ARID4A: variants seen among roughly 807,000 people sequenced by gnomAD.
ARID4A encodes the protein AT-rich interactive domain-containing protein 4A.
ARID4A carries 39 observed loss-of-function variants against 148.6 expected under a neutral mutation model. The ratio of observed to expected loss-of-function variants is 0.26; its 90% CI spans 0.20 to 0.34. The LOEUF (loss-of-function observed/expected upper bound fraction) is 0.34, where lower values mean the gene tolerates loss of function less well. ARID4A is among the 10% of genes least tolerant of loss of function. The probability of loss-of-function intolerance (pLI) is 1.00; values close to 1 mark genes in which losing one functional copy is unlikely to be tolerated. For synonymous variants in ARID4A, 475 were observed against 481.2 expected (o/e 0.99, Z 0.17); for missense variants, 1,265 against 1,449.1 (o/e 0.87, Z 2.06).
chr14:58,314,444 T>C (rs144702150), intron 5 of ARID4A, among the ~76,000 whole-genome samples: 161 of 152,270 alleles, frequency 1.1e-3, no homozygotes, highest in Middle Eastern at 3.4e-3. Flanking sequence ...CATAGAAATA[T>C]AGAATCAGGG....
intron 5 of ARID4A, among the ~76,000 whole-genome samples, chr14:58,308,489 T>TA (rs968041019): frequency 4.6e-5 from 7 of 152,258 alleles, no homozygotes; most frequent in African/African-American, 1.4e-4. Context: ...TTTTTGCACT[T>TA]ACGTGCATGA....
At chr14:58,305,266 A>G (rs189104004) in intron 4 of ARID4A, among the ~76,000 whole-genome samples, 27 of 152,232 alleles carry the variant, frequency 1.8e-4, no homozygotes, top group African/African-American at 6.0e-4. Flanking sequence ...TCTGTTTTGA[A>G]TTCTTGAACT....
At chr14:58,353,581 A>T in intron 16 of ARID4A, 77 bp from the exon 17 acceptor site, 1 of 1,268,698 alleles carries the variant, frequency 7.9e-7, no homozygotes, top group Non-Finnish European at 1.1e-6. Flanking sequence ...TGAATAATCT[A>T]CCTGTTGGAT....
In ARID4A at chr14:58,364,342, A is replaced by G. The variant is rs1317050929; in HGVS notation, c.2253A>G (p.Gln751=). The G allele has an allele frequency of 3.2e-6, 5 of 1,586,950 alleles. No individual in the cohort carries two copies. Among genetic ancestry groups the G allele is most frequent in the Non-Finnish European group, 4.3e-6 (5 of 1,173,138 alleles). Residue 751 remains glutamine (Q), a synonymous_variant, in exon 20 of 24, where the codon CAA becomes CAG. Coordinates refer to ENST00000355431, the MANE Select transcript of ARID4A (RefSeq NM_002892.4). ...TATTAAAAGAAAATGATAGGACTCA[A>G]ATGCAGCCTTTAGAAACCCTGAAGT... ...AHILKENDRT[Q]MQPLETLKLE... is the part of the protein sequence containing the mutation.
intron 11 of ARID4A, among the ~76,000 whole-genome samples, chr14:58,340,123 A>G (rs949083955): frequency 6.6e-5 from 10 of 152,218 alleles, no homozygotes; most frequent in African/African-American, 2.4e-4. Flanking sequence ...TGCCATTTCC[A>G]AATGAATAAT....
chr14:58,343,693 A>G (rs572595438), intron 11 of ARID4A, among the ~76,000 whole-genome samples: 64 of 152,130 alleles, frequency 4.2e-4, no homozygotes, highest in Non-Finnish European at 7.9e-4. Flanking sequence ...AGCCAGGTGT[A>G]GTGGCACACT....
chr14:58,357,754 C>A (rs1302836467), intron 17 of ARID4A, among the ~76,000 whole-genome samples: 2 of 151,716 alleles, frequency 1.3e-5, no homozygotes, highest in African/African-American at 4.8e-5. Context: ...CCTGTTGTTT[C>A]TTTACTTAAC....
At chr14:58,317,054 G>A (rs748584851) in intron 5 of ARID4A, among the ~76,000 whole-genome samples, 1 of 150,074 alleles carries the variant, frequency 6.7e-6, no homozygotes, top group African/African-American at 2.4e-5. Flanking sequence ...TTAGCCGGGC[G>A]TGGTGACGTG....
At chr14:58,329,940 C>G in intron 10 of ARID4A, 63 bp from the exon 11 acceptor site, 4 of 1,530,492 alleles carry the variant, frequency 2.6e-6, no homozygotes, top group Non-Finnish European at 3.5e-6. Flanking sequence ...GAATGCCATG[C>G]CTTTTCTATT....
At chr14:58,358,614 T>G (rs957091014) in intron 17 of ARID4A, among the ~76,000 whole-genome samples, 1 of 152,162 alleles carries the variant, frequency 6.6e-6, no homozygotes, top group African/African-American at 2.4e-5. Flanking sequence ...TTCAGAATCC[T>G]AAAGGCAATG....
intron 5 of ARID4A, 81 bp from the exon 6 acceptor site, chr14:58,318,461 T>C (rs2032620076): frequency 2.3e-6 from 3 of 1,289,264 alleles, no homozygotes; most frequent in Middle Eastern, 1.9e-4. Flanking sequence ...CTCTAATTAA[T>C]AGCAATAATA....
Position 58,299,826 on chromosome 14 carries a change from A to G in ARID4A, c.-29A>G, listed in dbSNP as rs1326243580. ...TAGCGACTGCGAAGATAGCTCGCTG[A>G]GCTGGAACCCCACAGATCACCAACA... is the stretch of plus-strand genomic sequence containing the variant. On this transcript the variant is annotated 5_prime_UTR_variant, in exon 2 of 24. Transcript: ENST00000355431. The G allele has an allele frequency of 1.2e-6, 2 of 1,614,048 alleles. No homozygotes were observed. Among genetic ancestry groups the G allele is most frequent in the Non-Finnish European group, 1.7e-6 (2 of 1,180,040 alleles).
At chr14:58,332,230 A>G (rs1349936033) in intron 11 of ARID4A, among the ~76,000 whole-genome samples, 2 of 152,110 alleles carry the variant, frequency 1.3e-5, no homozygotes, top group Non-Finnish European at 2.9e-5. Context: ...TAGTAAATAA[A>G]TTTTTAAAGA....
rs2030775295 is a variant in ARID4A at position 58,298,664 on chromosome 14, A to G, written c.-94A>G. 6.6e-6 allele frequency: 1 copy of G among 152,300 alleles called. No homozygotes were observed. Among genetic ancestry groups the G allele is most frequent in the African/African-American group, 2.4e-5 (1 of 41,260 alleles). 9.4% of individuals were successfully genotyped at this position (152,300 alleles called of 1,614,324 possible). A position where few individuals can be genotyped will look rare whatever the true frequency, so the allele number is the denominator to read the frequency against. ...CCCACGGAGGTCAGAGGGGAGGAGG[A>G]CTCTGGAGCTGACAGCGCGCACTTC... On this transcript the variant is annotated 5_prime_UTR_variant, in exon 1 of 24. Coordinates refer to ENST00000355431, the MANE Select transcript of ARID4A (RefSeq NM_002892.4).
At chr14:58,299,152 C>G (rs1329628569) in intron 1 of ARID4A, among the ~76,000 whole-genome samples, 1 of 152,196 alleles carries the variant, frequency 6.6e-6, no homozygotes, top group Admixed American at 6.5e-5. Flanking sequence ...GCTCCCCTCC[C>G]CTCCCACACC....
At position 58,322,777 on chromosome 14, in the gene ARID4A, C is replaced by T. The variant is rs1425816087; in HGVS notation, c.450-708C>T. ...AGGAGTTCAAGACCAGCCTGGCCAA[C>T]ATGGTGAAAACCTGTCTCTACTAAA... is the stretch of plus-strand genomic sequence containing the variant. On this transcript the variant is annotated intron_variant, in intron 7 of 23. Transcript: ENST00000355431. Among the ~76,000 whole-genome samples the T allele has an allele frequency of 5.9e-5, 9 of 151,728 alleles. No individual in the cohort carries two copies. In the South Asian group the frequency reaches 1.9e-3, roughly 32 times the overall value.
intron 11 of ARID4A, chr14:58,331,400 A>G (rs1260869551): frequency 2.6e-5 from 4 of 152,250 alleles, no homozygotes; most frequent in African/African-American, 9.6e-5. Context: ...TGCGGATGCT[A>G]TGCCCTAAGA....
At chr14:58,321,936 T>A (rs1216612254) in intron 7 of ARID4A, among the ~76,000 whole-genome samples, 1 of 139,756 alleles carries the variant, frequency 7.2e-6, no homozygotes, top group Non-Finnish European at 1.5e-5. Context: ...TATAGAATTT[T>A]CTTTTTTGTT....
chr14:58,336,233 G>C (rs1317987894), intron 11 of ARID4A, among the ~76,000 whole-genome samples: 1 of 152,076 alleles, frequency 6.6e-6, no homozygotes, highest in African/African-American at 2.4e-5. Context: ...TACACATACT[G>C]TCTTGGCTCT....
Sources: gnomAD v4.1 joint callset for allele counts (sites outside exome capture counted in the v4.1 genomes callset) on GRCh38, gnomAD v4.1.1 for gene constraint, MANE v1.5 for transcripts, NCBI Gene and HGNC (gene_info 2026-07-23, HGNC 2026-07-21) for gene names.